Variants in LRBA observed in about 807,000 individuals in gnomAD.
LRBA encodes lipopolysaccharide-responsive and beige-like anchor protein.
In LRBA, 176 loss-of-function variants were observed where a neutral mutation model predicts 330.0. The observed-to-expected ratio is 0.53, with a 90% CI of 0.47 to 0.60. The LOEUF (loss-of-function observed/expected upper bound fraction) is 0.60. Among genes scored for constraint, LRBA ranks in the 20% least tolerant of loss-of-function variants. The probability of loss-of-function intolerance (pLI) is 0.00; values close to 1 mark genes in which losing one functional copy is unlikely to be tolerated. For missense variants in LRBA, 3,259 were observed against 3,444.8 expected (o/e 0.95, Z 1.35); for synonymous variants, 1,230 against 1,193.0 (o/e 1.03, Z -0.64).
chr4:150,850,952 G>C (rs754374492), intron 23 of LRBA, 50 bp from the exon 24 acceptor site: 1 of 1,370,684 alleles, frequency 7.3e-7, no homozygotes, highest in Admixed American at 2.1e-5. Flanking sequence ...TTCAGCAGGA[G>C]GCTTTAGCAA....
At chr4:150,907,996 A>C (rs910484812) in intron 11 of LRBA, among the ~76,000 whole-genome samples, 10 of 152,174 alleles carry the variant, frequency 6.6e-5, no homozygotes, top group African/African-American at 2.4e-4. Flanking sequence ...ATATTTCAGA[A>C]ATTAAAAATT....
chr4:150,909,822 T>A (rs1368109897), intron 9 of LRBA, among the ~76,000 whole-genome samples: 1 of 152,138 alleles, frequency 6.6e-6, no homozygotes, highest in African/African-American at 2.4e-5. Context: ...CACCAACACT[T>A]GTTATTTTGT....
intron 8 of LRBA, 120 bp from the exon 9 acceptor site, chr4:150,914,461 A>T: frequency 1.8e-6 from 1 of 567,188 alleles, no homozygotes. Flanking sequence ...AGACTAACAT[A>T]ATTTATACCA....
At chr4:150,587,636 G>A (rs528311734) in intron 40 of LRBA, among the ~76,000 whole-genome samples, 2 of 152,308 alleles carry the variant, frequency 1.3e-5, no homozygotes, top group East Asian at 3.9e-4. Context: ...AGAGTAGTAA[G>A]TCATGGGGAC....
intron 20 of LRBA, among the ~76,000 whole-genome samples, chr4:150,870,013 A>G (rs1447979443): frequency 6.6e-6 from 1 of 152,212 alleles, no homozygotes; most frequent in Admixed American, 6.5e-5. Flanking sequence ...TTAAAACTCT[A>G]CAAACTAATA....
At chr4:150,962,378 C>T (rs1485446787) in intron 2 of LRBA, among the ~76,000 whole-genome samples, 1 of 149,078 alleles carries the variant, frequency 6.7e-6, no homozygotes, top group African/African-American at 2.6e-5. Context: ...ATTAGCTGGG[C>T]ATGGTGGTGC....
At chr4:150,848,488 C>T (rs567575907) in intron 26 of LRBA, among the ~76,000 whole-genome samples, 10 of 147,108 alleles carry the variant, frequency 6.8e-5, no homozygotes, top group East Asian at 6.0e-4. Context: ...GATAAGGAGG[C>T]GGGATCACTT....
At chr4:150,916,776 A>C (rs762104206) in intron 5 of LRBA, 38 bp from the exon 6 acceptor site, 1 of 1,482,792 alleles carries the variant, frequency 6.7e-7, no homozygotes, top group Admixed American at 2.4e-5. Flanking sequence ...ACTCACGTGA[A>C]AACCTGTCTT....
At chr4:150,761,468 T>C (rs1350697888) in intron 35 of LRBA, among the ~76,000 whole-genome samples, 1 of 152,046 alleles carries the variant, frequency 6.6e-6, no homozygotes, top group Non-Finnish European at 1.5e-5. Context: ...TCTACACACA[T>C]AAAATAACTT....
chr4:150,672,798 A>G (rs1782180457), intron 37 of LRBA, among the ~76,000 whole-genome samples: 1 of 152,304 alleles, frequency 6.6e-6, no homozygotes, highest in Admixed American at 6.5e-5. Context: ...AAGTCTGTCT[A>G]TTCTACTGTT....
At chr4:150,787,997 GT>G (rs1011193504) in intron 34 of LRBA, among the ~76,000 whole-genome samples, 2 of 152,122 alleles carry the variant, frequency 1.3e-5, no homozygotes, top group Admixed American at 1.3e-4. Context: ...TGTATTTTTA[GT>G]TTTTTGAGGA....
chr4:150,559,876 T>A (rs866453448), intron 40 of LRBA, among the ~76,000 whole-genome samples: 12 of 16,888 alleles, frequency 7.1e-4, no homozygotes, highest in Admixed American at 1.1e-3. Context: ...AATATATAAT[T>A]ATATATAATT....
chr4:150,875,843 C>A (rs998054810), intron 17 of LRBA, among the ~76,000 whole-genome samples: 3 of 152,208 alleles, frequency 2.0e-5, no homozygotes, highest in Admixed American at 2.0e-4. Flanking sequence ...TGTGGTGACA[C>A]CATCAAAGGA....
chr4:150,759,191 C>T (rs1734736749), intron 35 of LRBA, among the ~76,000 whole-genome samples: 1 of 152,194 alleles, frequency 6.6e-6, no homozygotes, highest in Non-Finnish European at 1.5e-5. Flanking sequence ...GCTGGGATTA[C>T]AGGTGTGAGC....
chr4:150,972,758 TGG>T (rs1739722930), intron 2 of LRBA, among the ~76,000 whole-genome samples: 1 of 152,206 alleles, frequency 6.6e-6, no homozygotes, highest in South Asian at 2.1e-4. Flanking sequence ...GGCAATCAAG[TGG>T]AATATATTAA....
At chr4:150,270,361 C>G (rs1188181559) in intron 56 of LRBA, among the ~76,000 whole-genome samples, 1 of 152,196 alleles carries the variant, frequency 6.6e-6, no homozygotes, top group Non-Finnish European at 1.5e-5. Flanking sequence ...ACAGAATATT[C>G]ATATAATATT....
At chr4:150,492,175 GA>G (rs34558110) in intron 40 of LRBA, among the ~76,000 whole-genome samples, 135 of 135,454 alleles carry the variant, frequency 1.0e-3, no homozygotes, top group African/African-American at 3.1e-3. Flanking sequence ...TAGTTTTTTT[GA>G]AAAAAAAAAA....
chr4:150,762,095 A>G (rs950083453), intron 34 of LRBA, among the ~76,000 whole-genome samples: 9 of 151,982 alleles, frequency 5.9e-5, no homozygotes, highest in Non-Finnish European at 1.5e-5. Flanking sequence ...ATAACACGAT[A>G]TACTAATTTA....
At chr4:150,358,993 C>A (rs933250305) in intron 47 of LRBA, among the ~76,000 whole-genome samples, 1 of 151,992 alleles carries the variant, frequency 6.6e-6, no homozygotes, top group Non-Finnish European at 1.5e-5. Context: ...CTTATACTGG[C>A]AAATCAAAAT....
Sources: gnomAD v4.1 joint callset for allele counts (sites outside exome capture counted in the v4.1 genomes callset) on GRCh38, gnomAD v4.1.1 for gene constraint, MANE v1.5 for transcripts, NCBI Gene and HGNC (gene_info 2026-07-23, HGNC 2026-07-21) for gene names.